Variants in KIF2A observed in about 807,000 individuals in gnomAD.
KIF2A encodes the protein kinesin-like protein KIF2A.
KIF2A carries 22 observed loss-of-function variants against 100.2 expected under a neutral mutation model. That is an observed-to-expected ratio of 0.22 (90% CI 0.16 to 0.31). The LOEUF is 0.31. Among genes scored for constraint, KIF2A ranks in the 10% least tolerant of loss-of-function variants. The pLI, the probability that KIF2A is intolerant of heterozygous loss-of-function variation, is 1.00. For synonymous variants in KIF2A, 268 were observed against 285.9 expected (o/e 0.94, Z 0.63); for missense variants, 495 against 898.7 (o/e 0.55, Z 5.74).
chr5:62,329,301 A>G (rs565048063), intron 1 of KIF2A, among the ~76,000 whole-genome samples: 16 of 152,244 alleles, frequency 1.1e-4, no homozygotes, highest in African/African-American at 3.1e-4. Flanking sequence ...CACTGTTACC[A>G]GTGTCAGCTG....
intron 18 of KIF2A, among the ~76,000 whole-genome samples, chr5:62,376,156 T>G (rs1741530987): frequency 6.6e-6 from 1 of 152,158 alleles, no homozygotes; most frequent in African/African-American, 2.4e-5. Flanking sequence ...AGCCTTAATT[T>G]GGAGAGGTTA....
rs937426689 is a variant in KIF2A, at chr5:62,387,921, C to T, written c.*2352C>T. On this transcript the variant is annotated 3_prime_UTR_variant, in exon 21 of 21. Coordinates refer to ENST00000407818, the MANE Select transcript of KIF2A (RefSeq NM_001098511.3). Reference sequence around the variant, plus strand: ...TGTTAAATTAATTGGAAACACTCTTCTATTAAGTTAGGTATTAAAAAAAGC... The same window carrying T: ...TGTTAAATTAATTGGAAACACTCTTTTATTAAGTTAGGTATTAAAAAAAGC... 1 of 151,888 alleles carries T rather than the reference C, an allele frequency of 6.6e-6. No homozygotes were observed. Among genetic ancestry groups the T allele is most frequent in the Non-Finnish European group, 1.5e-5 (1 of 67,976 alleles). The allele number at this position is 151,888 out of a possible 1,614,324, so 9.4% of individuals were successfully genotyped here.
chr5:62,368,978 T>C (rs1741203279), intron 16 of KIF2A, among the ~76,000 whole-genome samples: 1 of 152,194 alleles, frequency 6.6e-6, no homozygotes, highest in South Asian at 2.1e-4. Flanking sequence ...GAATAATTCT[T>C]GAGAAAGATG....
At chr5:62,375,800 A>G (rs1027991825) in intron 18 of KIF2A, among the ~76,000 whole-genome samples, 6 of 152,220 alleles carry the variant, frequency 3.9e-5, no homozygotes, top group African/African-American at 1.4e-4. Context: ...CTGCTAGCAT[A>G]TAGTGGGTAG....
intron 1 of KIF2A, among the ~76,000 whole-genome samples, chr5:62,327,578 A>G (rs551121287): frequency 1.8e-4 from 27 of 152,328 alleles, no homozygotes; most frequent in Middle Eastern, 3.4e-3. Flanking sequence ...TAAACTTCAT[A>G]CGTACAAAAC....
intron 19 of KIF2A, 85 bp downstream of exon 19, chr5:62,377,847 C>T: frequency 1.3e-6 from 1 of 748,776 alleles, no homozygotes; most frequent in Non-Finnish European, 2.1e-6. Context: ...CACACTATTC[C>T]TTAAAAAATA....
intron 1 of KIF2A, among the ~76,000 whole-genome samples, chr5:62,327,867 A>C (rs745812598): frequency 6.6e-6 from 1 of 152,180 alleles, no homozygotes; most frequent in Admixed American, 6.5e-5. Context: ...GAATAATAAC[A>C]TTGCACTAAC....
At position 62,387,717 on chromosome 5, in the gene KIF2A, T is replaced by C. The variant is rs570631381; in HGVS notation, c.*2148T>C. The C allele has an allele frequency of 6.6e-6, 1 of 152,204 alleles. No individual in the cohort carries two copies. Among genetic ancestry groups the C allele is most frequent in the East Asian group, 1.9e-4 (1 of 5,180 alleles). The allele number at this position is 152,204 out of a possible 1,614,324, so 9.4% of individuals were successfully genotyped here. ...GGATAGAGATGATACAAGTGAACTCTGCAAAATAGTTTTGTGAAATTAAAC... is the reference window on the plus strand; with the variant it reads ...GGATAGAGATGATACAAGTGAACTCCGCAAAATAGTTTTGTGAAATTAAAC... On this transcript the variant is annotated 3_prime_UTR_variant, in exon 21 of 21. Coordinates refer to ENST00000407818, the MANE Select transcript of KIF2A (RefSeq NM_001098511.3).
intron 1 of KIF2A, among the ~76,000 whole-genome samples, chr5:62,324,589 G>A (rs549073404): frequency 6.6e-6 from 1 of 152,278 alleles, no homozygotes; most frequent in South Asian, 2.1e-4. Context: ...CAGCAAAGTC[G>A]ATAATAGCAA....
intron 20 of KIF2A, among the ~76,000 whole-genome samples, chr5:62,384,013 G>A (rs1741906910): frequency 6.6e-6 from 1 of 152,142 alleles, no homozygotes; most frequent in African/African-American, 2.4e-5. Flanking sequence ...GAGGCAGGTA[G>A]ATCACCCGAG....
Position 62,363,202 on chromosome 5 carries a change from A to T in KIF2A, c.1144A>T (p.Thr382Ser). ...GKVFDLLNRKTKLRVLEDGKQ... is the reference protein window; with the variant it reads ...GKVFDLLNRKSKLRVLEDGKQ... Reference sequence around the variant, plus strand: ...GGTGTTTGACTTGCTAAACAGGAAAACAAAATTAAGAGTTCTAGAAGATGG... The same window carrying T: ...GGTGTTTGACTTGCTAAACAGGAAATCAAAATTAAGAGTTCTAGAAGATGG... Residue 382 changes from threonine to serine, a missense_variant, in exon 13 of 21, where the codon ACA becomes TCA. Physicochemically the swap from Thr to Ser is moderately conservative, Grantham distance 58. Coordinates refer to ENST00000407818, the MANE Select transcript of KIF2A (RefSeq NM_001098511.3). The T allele has an allele frequency of 6.2e-7, 1 of 1,610,332 alleles. No homozygotes were observed. Among genetic ancestry groups the T allele is most frequent in the Non-Finnish European group, 8.5e-7 (1 of 1,178,272 alleles).
intron 16 of KIF2A, among the ~76,000 whole-genome samples, chr5:62,368,899 T>C (rs1230049096): frequency 6.6e-6 from 1 of 152,236 alleles, no homozygotes; most frequent in Non-Finnish European, 1.5e-5. Flanking sequence ...TTAGTTTTAA[T>C]TGATCTTGGT....
intron 9 of KIF2A, among the ~76,000 whole-genome samples, chr5:62,360,801 G>C (rs1015352388): frequency 6.6e-6 from 1 of 151,916 alleles, no homozygotes; most frequent in African/African-American, 2.4e-5. Context: ...TATTCTTTTT[G>C]CTTAAGTATA....
intron 1 of KIF2A, among the ~76,000 whole-genome samples, chr5:62,312,204 A>G (rs1170978242): frequency 6.6e-6 from 1 of 152,230 alleles, no homozygotes; most frequent in African/African-American, 2.4e-5. Flanking sequence ...TTCATTGCCT[A>G]GCCACTTGAT....
chr5:62,382,639 T>TG (rs1274529458), intron 20 of KIF2A, among the ~76,000 whole-genome samples: 2 of 151,604 alleles, frequency 1.3e-5, no homozygotes, highest in African/African-American at 4.8e-5. Flanking sequence ...TTCAGGTTTT[T>TG]TTTTTTTTTT....
intron 20 of KIF2A, among the ~76,000 whole-genome samples, chr5:62,384,573 A>G (rs756876013): frequency 6.6e-6 from 1 of 152,170 alleles, no homozygotes; most frequent in African/African-American, 2.4e-5. Flanking sequence ...GACATTACCA[A>G]ATGCCCGCTG....
chr5:62,346,633 A>G (rs945123040), intron 1 of KIF2A, among the ~76,000 whole-genome samples: 1 of 152,134 alleles, frequency 6.6e-6, no homozygotes, highest in African/African-American at 2.4e-5. Flanking sequence ...TCAGCTACTT[A>G]GGAGGCTGAG....
At position 62,306,403 on chromosome 5, in the gene KIF2A, G is replaced by GC; in HGVS notation, c.-65dup. The GC allele has an allele frequency of 1.4e-4, 30 of 216,580 alleles. No homozygotes were observed. The highest frequency in any genetic ancestry group is 8.4e-4 in the Middle Eastern group (1 of 1,188). The allele number at this position is 216,580 out of a possible 1,614,324, so 13.4% of individuals were successfully genotyped here. A position where few individuals can be genotyped will look rare whatever the true frequency, so the allele number is the denominator to read the frequency against. ...CCGCTCCCCCTCCCACACCTACCCC[G>GC]CCCCCTCCCCGCCTTTTCCGCCCTC... On this transcript the variant is annotated 5_prime_UTR_variant, in exon 1 of 21. Coordinates refer to ENST00000407818, the MANE Select transcript of KIF2A (RefSeq NM_001098511.3).
At chr5:62,322,530 T>C (rs1189709976) in intron 1 of KIF2A, among the ~76,000 whole-genome samples, 1 of 152,238 alleles carries the variant, frequency 6.6e-6, no homozygotes, top group Admixed American at 6.5e-5. Context: ...GTTTATGTTC[T>C]TCCTTGATCT....
Sources: allele counts gnomAD v4.1 joint callset (sites outside exome capture counted in the v4.1 genomes callset), GRCh38; gene constraint gnomAD v4.1.1; transcripts MANE v1.5; gene names NCBI Gene and HGNC (gene_info 2026-07-23, HGNC 2026-07-21).